FAT4: variants seen among roughly 807,000 people sequenced by gnomAD.
FAT4 encodes the protein protocadherin Fat 4.
FAT4 carries 84 observed loss-of-function variants against 303.9 expected under a neutral mutation model. The ratio of observed to expected loss-of-function variants is 0.28; its 90% CI spans 0.23 to 0.33. The LOEUF (loss-of-function observed/expected upper bound fraction) is 0.33, where lower values mean the gene tolerates loss of function less well. Among genes scored for constraint, FAT4 ranks in the 10% least tolerant of loss-of-function variants. The pLI is 1.00. For synonymous variants in FAT4, 2,307 were observed against 2,298.8 expected (o/e 1.00, Z -0.10); for missense variants, 6,005 against 6,146.8 (o/e 0.98, Z 0.77).
intron 16 of FAT4, 110 bp from the exon 17 acceptor site, chr4:125,487,235 G>A: frequency 1.1e-6 from 1 of 879,204 alleles, no homozygotes. Context: ...AGATTCTTCA[G>A]CTATTCTATC....
chr4:125,411,964 C>T (rs962823268), intron 5 of FAT4, among the ~76,000 whole-genome samples: 1 of 151,428 alleles, frequency 6.6e-6, no homozygotes, highest in African/African-American at 2.4e-5. Context: ...ACAAATGGTT[C>T]ACAGTGGGCT....
rs542261443 is a variant in FAT4, at chr4:125,391,012, A to G, written c.5176-7772A>G. On this transcript the variant is annotated intron_variant, in intron 2 of 17. Coordinates refer to ENST00000394329, the MANE Select transcript of FAT4 (RefSeq NM_001291303.3). ...TCAGAATGGCAATTATTAAAAAGTC[A>G]GGAAACAATAGATGCTTCTGAGGCT... 1.7e-3 allele frequency among the ~76,000 whole-genome samples: 266 copies of G among 152,304 alleles called. 2 individuals are homozygous for G. Among genetic ancestry groups the G allele is most frequent in the Non-Finnish European group, 3.1e-3 (208 of 68,028 alleles).
intron 2 of FAT4, among the ~76,000 whole-genome samples, chr4:125,363,687 G>A (rs1180957249): frequency 6.6e-6 from 1 of 151,778 alleles, no homozygotes; most frequent in Non-Finnish European, 1.5e-5. Context: ...GTAGAGACGG[G>A]GTTTCACTAT....
rs548719281 is a variant in FAT4, at chr4:125,323,057, C to A, written c.5175+1471C>A. Among the ~76,000 whole-genome samples the A allele has an allele frequency of 2.0e-5, 3 of 152,222 alleles. No individual in the cohort carries two copies. In the East Asian group the frequency reaches 5.8e-4, roughly 29 times the overall value. On this transcript the variant is annotated intron_variant, in intron 2 of 17. Coordinates refer to ENST00000394329, the MANE Select transcript of FAT4 (RefSeq NM_001291303.3). ...AACCCACAATCCTCTCTCTAACTTT[C>A]TTCTCTGGAATGAATACTTACATGA... is the stretch of plus-strand genomic sequence containing the variant.
In FAT4 at chr4:125,316,679, C is replaced by T; in HGVS notation, c.268C>T (p.Leu90=). 1.2e-6 allele frequency: 2 copies of T among 1,613,646 alleles called. No individual in the cohort carries two copies. Among genetic ancestry groups the T allele is most frequent in the Non-Finnish European group, 1.7e-6 (2 of 1,180,028 alleles). ...LFAINSSTGA[L]YTTSTIDRES... The stretch of plus-strand genomic sequence containing the variant: ...TGCCATAAACAGTAGCACCGGAGCC[C>T]TGTACACCACCTCCACCATCGACCG... The change falls in exon 2 of 18, where the codon CTG becomes TTG. Residue 90 remains leucine, a synonymous_variant. Transcript: ENST00000394329. The surrounding 1 kb of genome is among the most constrained non-coding windows in gnomAD (Gnocchi z 5.7).
chr4:125,401,076 G>A (rs1268121907), intron 3 of FAT4, among the ~76,000 whole-genome samples: 1 of 151,962 alleles, frequency 6.6e-6, no homozygotes, highest in Non-Finnish European at 1.5e-5. Context: ...TTAAAGGAAA[G>A]GGGGGCATTT....
In FAT4 at chr4:125,317,952, T is replaced by C. The variant is rs1560753362; in HGVS notation, c.1541T>C (p.Ile514Thr). ...SGLNANLRYS[I>T]VSGNGLGWFH... ...CTCAATGCTAATCTGCGTTACAGCA[T>C]TGTCTCTGGCAATGGACTGGGATGG... The change falls in exon 2 of 18, where the codon ATT becomes ACT. Residue 514 changes from isoleucine (I) to threonine (T), a missense_variant. Ile to Thr is a moderately conservative substitution (Grantham distance 89, BLOSUM62 -1). Coordinates refer to ENST00000394329, the MANE Select transcript of FAT4 (RefSeq NM_001291303.3). The surrounding 1 kb of genome is among the most constrained non-coding windows in gnomAD (Gnocchi z 7.0). The C allele has an allele frequency of 1.9e-6, 3 of 1,614,120 alleles. No individual in the cohort carries two copies. The highest frequency in any genetic ancestry group is 2.2e-5 in the South Asian group (2 of 91,070).
In FAT4 at chr4:125,453,392, T is replaced by C. The variant is rs144699926; in HGVS notation, c.11800+582T>C. ...CACATCGTGAGAAGAGCGAGAATCA[T>C]GTTTTCAGATTTAGATTAAAATGAT... On this transcript the variant is annotated intron_variant, in intron 10 of 17. Transcript: ENST00000394329. Among the ~76,000 whole-genome samples, 190 of 152,282 alleles carry C rather than the reference T, an allele frequency of 1.2e-3. 2 individuals are homozygous for C. The highest frequency in any genetic ancestry group is 4.4e-3 in the African/African-American group (184 of 41,554).
chr4:125,391,201 A>G (rs921581954), intron 2 of FAT4, among the ~76,000 whole-genome samples: 2 of 152,190 alleles, frequency 1.3e-5, no homozygotes, highest in Non-Finnish European at 2.9e-5. Context: ...TCATTCTGCT[A>G]TAAAGACATA....
chr4:125,491,637 G>A lies in FAT4; in HGVS notation c.14821G>A (p.Gly4941Ser). The change falls in exon 18 of 18, where the codon GGC (glycine) becomes AGC (serine). Residue 4941 changes from glycine (G) to serine (S), a missense_variant. Transcript: ENST00000394329. Reference sequence around the variant, plus strand: ...GGACAACCTTTTGAACTGGGGCCCTGGCTTTGGCCATTATGTAGATGTTTT... The same window carrying A: ...GGACAACCTTTTGAACTGGGGCCCTAGCTTTGGCCATTATGTAGATGTTTT... The part of the protein sequence containing the change: ...NWDNLLNWGP[G>S]FGHYVDVFKD... 6.2e-7 allele frequency: 1 copy of A among 1,614,164 alleles called. No individual in the cohort carries two copies. The highest frequency in any genetic ancestry group is 8.5e-7 in the Non-Finnish European group (1 of 1,180,030).
intron 15 of FAT4, among the ~76,000 whole-genome samples, chr4:125,480,639 A>G (rs984743046): frequency 6.6e-6 from 1 of 152,146 alleles, no homozygotes; most frequent in Non-Finnish European, 1.5e-5. Flanking sequence ...AATTGAGGAT[A>G]TAATATAATC....
At chr4:125,369,715 C>T (rs2125990731) in intron 2 of FAT4, among the ~76,000 whole-genome samples, 1 of 152,248 alleles carries the variant, frequency 6.6e-6, no homozygotes, top group East Asian at 1.9e-4. Context: ...CGTCATCTAT[C>T]TCCAGAATGT....
chr4:125,335,659 T>A (rs890182818), intron 2 of FAT4, among the ~76,000 whole-genome samples: 1 of 152,114 alleles, frequency 6.6e-6, no homozygotes, highest in Admixed American at 6.6e-5. Context: ...GGATTTCATG[T>A]GTATTTCATT....
At chr4:125,426,414 G>A (rs111593127) in intron 7 of FAT4, among the ~76,000 whole-genome samples, 18 of 151,910 alleles carry the variant, frequency 1.2e-4, no homozygotes, top group African/African-American at 3.9e-4. Context: ...TTTGAGTCTC[G>A]GGCAGCTTTT....
In FAT4 at chr4:125,317,655, C is replaced by G. The variant is rs746792200; in HGVS notation, c.1244C>G (p.Pro415Arg). Residue 415 changes from proline (P) to arginine (R), a missense_variant, in exon 2 of 18, where the codon CCG (proline) becomes CGG (arginine). By Grantham distance (103) the Pro-to-Arg change is moderately radical. Coordinates refer to ENST00000394329, the MANE Select transcript of FAT4 (RefSeq NM_001291303.3). This position sits in a 1 kb window ranked among gnomAD's most constrained non-coding sequence, Gnocchi z 7.0. ...RHFEVQSSKV[P>R]NLSLIKVASA... Reference sequence around the variant, plus strand: ...TTTGAAGTGCAAAGCAGCAAAGTGCCGAACCTGAGCCTAATCAAGGTGGCC... The same window carrying G: ...TTTGAAGTGCAAAGCAGCAAAGTGCGGAACCTGAGCCTAATCAAGGTGGCC... 194 of 1,613,890 alleles carry G rather than the reference C, an allele frequency of 1.2e-4. 1 individual carries two copies. The East Asian group carries it at 4.2e-3, about 35-fold the overall frequency.
Position 125,317,783 on chromosome 4 carries a change from G to A in FAT4, c.1372G>A (p.Val458Met). Residue 458 changes from valine (V) to methionine (M), a missense_variant, in exon 2 of 18, where the codon GTG (valine) becomes ATG (methionine). Transcript: ENST00000394329. The surrounding 1 kb of genome is among the most constrained non-coding windows in gnomAD (Gnocchi z 7.0). ...CGCAGCAGTCCAGGCGCGCTCTTCT[G>A]TGGCAAGCCTGGTGATTTTTGTTAA... Reference protein sequence around the residue: ...PGAAVQARSSVASLVIFVNDI... With the variant: ...PGAAVQARSSMASLVIFVNDI... 2.5e-6 allele frequency: 4 copies of A among 1,614,202 alleles called. No homozygotes were observed. Among genetic ancestry groups the A allele is most frequent in the South Asian group, 2.2e-5 (2 of 91,082 alleles).
intron 15 of FAT4, 135 bp downstream of exon 15, chr4:125,480,000 G>A: frequency 4.6e-6 from 3 of 649,116 alleles, no homozygotes; most frequent in Non-Finnish European, 6.7e-6. Flanking sequence ...ACAATAATTG[G>A]TAAAATACAG....
Position 125,415,027 on chromosome 4 carries a change from G to C in FAT4, c.6064G>C (p.Asp2022His). 1 of 1,614,020 alleles carries C rather than the reference G, an allele frequency of 6.2e-7. No homozygotes were observed. Among genetic ancestry groups the C allele is most frequent in the Non-Finnish European group, 8.5e-7 (1 of 1,179,954 alleles). Residue 2022 changes from aspartate to histidine, a missense_variant, in exon 6 of 18, where the codon GAC becomes CAC. Transcript: ENST00000394329. ...SFYNLVVQVH[D>H]LPQIPASRFT... ...CTACAACTTGGTTGTTCAAGTGCAT[G>C]ACCTGCCACAGATTCCAGCCTCCAG...
intron 10 of FAT4, 62 bp downstream of exon 10, chr4:125,452,872 A>G (rs1392559408): frequency 1.3e-5 from 20 of 1,495,502 alleles, no homozygotes; most frequent in Non-Finnish European, 1.8e-5. Context: ...ATTGAAACGA[A>G]ATAATTTTAT....
Sources: allele counts gnomAD v4.1 joint callset (sites outside exome capture counted in the v4.1 genomes callset), GRCh38; gene constraint gnomAD v4.1.1; non-coding constraint Gnocchi (gnomAD v3.1); transcripts MANE v1.5; gene names NCBI Gene and HGNC (gene_info 2026-07-23, HGNC 2026-07-21).